Variants in SP3 observed in about 807,000 individuals in gnomAD.
The protein encoded by SP3 is Sp3 transcription factor.
SP3 carries 10 observed loss-of-function variants against 70.3 expected under a neutral mutation model. The observed-to-expected ratio is 0.14, with a 90% CI of 0.09 to 0.24. SP3 has a LOEUF of 0.24. Among genes scored for constraint, SP3 ranks in the 10% least tolerant of loss-of-function variants. The probability of loss-of-function intolerance (pLI) is 1.00; values close to 1 mark genes in which losing one functional copy is unlikely to be tolerated. For missense variants in SP3, 825 were observed against 914.6 expected (o/e 0.90, Z 1.26); for synonymous variants, 402 against 333.5 (o/e 1.21, Z -2.24).
rs1397347350 is a variant in SP3 at position 173,955,004 on chromosome 2, C to T, written c.1508G>A (p.Gly503Asp). ...QTLTLGQVAA[G>D]GAFTSTPVSL... is the part of the protein sequence containing the mutation. ...AACTGGAGTTGAAGTGAAGGCTCCA[C>T]CTGCCGCAACTTGACCAAGTGTGAG... The change falls in exon 4 of 7, where the codon GGT (glycine) becomes GAT (aspartate). Residue 503 changes from glycine (G) to aspartate (D), a missense_variant. Around this residue, in one of 4 missense-constraint regions of SP3, gnomAD observed 678 missense variants for 651.6 expected, o/e 1.04. Transcript: ENST00000310015. 4 of 1,614,188 alleles carry T rather than the reference C, an allele frequency of 2.5e-6. No individual in the cohort carries two copies. The Admixed American group carries it at 6.7e-5, about 27-fold the overall frequency.
In SP3 at chr2:173,910,186, T is replaced by C; in HGVS notation, c.2101A>G (p.Lys701Glu). The change falls in exon 7 of 7, where the codon AAA becomes GAA. Residue 701 changes from lysine (K) to glutamate (E), a missense_variant. Lys to Glu is a moderately conservative substitution (Grantham distance 56, BLOSUM62 1). Transcript: ENST00000310015. ...MRSDHLAKHI[K>E]THQNKKGIHS... ...ATACCTTTTTTATTCTGGTGTGTTT[T>C]AATATGTTTGGCAAGGTGGTCACTT... 1 of 1,614,066 alleles carries C rather than the reference T, an allele frequency of 6.2e-7. No homozygotes were observed. The highest frequency in any genetic ancestry group is 8.5e-7 in the Non-Finnish European group (1 of 1,179,900).
At chr2:173,930,094 T>A (rs1192704177) in intron 4 of SP3, among the ~76,000 whole-genome samples, 4 of 152,206 alleles carry the variant, frequency 2.6e-5, no homozygotes, top group Non-Finnish European at 4.4e-5. Context: ...CTTTAGTCTC[T>A]TTTCCCTAAC....
At chr2:173,914,070 G>T (rs1006813667) in intron 5 of SP3, 1 of 151,890 alleles carries the variant, frequency 6.6e-6, no homozygotes, top group African/African-American at 2.4e-5. Context: ...GTGAACAGAG[G>T]TATCTTAGCC....
chr2:173,928,309 C>T (rs183610220), intron 4 of SP3, among the ~76,000 whole-genome samples: 37 of 152,190 alleles, frequency 2.4e-4, no homozygotes, highest in South Asian at 4.1e-4. Flanking sequence ...GGCCCCAGGC[C>T]CTCATGTAAG....
In SP3 at chr2:173,965,098, G is replaced by C. The variant is rs1460452589; in HGVS notation, c.7+67C>G. The stretch of plus-strand genomic sequence containing the variant: ...CCGAGACCGGCGGCAGCGGCCCCGG[G>C]CTGGCTGTGGTCGGCGGCAGCGGCG... On this transcript the variant is annotated intron_variant, in intron 1 of 6. Coordinates refer to ENST00000310015, the MANE Select transcript of SP3 (RefSeq NM_003111.5). 4.5e-6 allele frequency: 7 copies of C among 1,541,558 alleles called. No homozygotes were observed. The East Asian group carries it at 7.4e-5, about 16-fold the overall frequency.
chr2:173,944,545 C>T (rs995656714), intron 4 of SP3, among the ~76,000 whole-genome samples: 2 of 152,100 alleles, frequency 1.3e-5, no homozygotes, highest in African/African-American at 4.8e-5. Context: ...AAGTTGAATA[C>T]AAAAATTGTC....
At position 173,910,046 on chromosome 2, in the gene SP3, C is replaced by T; in HGVS notation, c.2241G>A (p.Gly747=). ...LANIQQGSVS[G]IGTVNTSATS... ...TGGCGGAAGTATTAACAGTTCCTAT[C>T]CCTGAAACAGAACCTTGTTGAATAT... Residue 747 remains glycine (G), a synonymous_variant, in exon 7 of 7, where the codon GGG becomes GGA. Coordinates refer to ENST00000310015, the MANE Select transcript of SP3 (RefSeq NM_003111.5). The T allele has an allele frequency of 6.2e-7, 1 of 1,613,220 alleles. No homozygotes were observed. The highest frequency in any genetic ancestry group is 8.5e-7 in the Non-Finnish European group (1 of 1,179,624).
At chr2:173,941,255 CATT>C (rs1690365317) in intron 4 of SP3, among the ~76,000 whole-genome samples, 1 of 152,026 alleles carries the variant, frequency 6.6e-6, no homozygotes, top group South Asian at 2.1e-4. Context: ...CACCAACAAT[CATT>C]ATCTTACTAA....
chr2:173,950,421 A>G (rs1046833369), intron 4 of SP3, among the ~76,000 whole-genome samples: 1 of 152,158 alleles, frequency 6.6e-6, no homozygotes, highest in Non-Finnish European at 1.5e-5. Flanking sequence ...GCCCATGCCT[A>G]TAATTCCAAC....
intron 5 of SP3, chr2:173,916,005 T>C (rs184503161): frequency 6.6e-6 from 1 of 152,214 alleles, no homozygotes; most frequent in African/African-American, 2.4e-5. Flanking sequence ...TCTAAAAAAC[T>C]TTTTTAATTA....
Position 173,955,744 on chromosome 2 carries a change from C to T in SP3, c.768G>A (p.Val256=), listed in dbSNP as rs760133401. The T allele has an allele frequency of 1.2e-6, 2 of 1,614,140 alleles. No homozygotes were observed. The highest frequency in any genetic ancestry group is 1.7e-6 in the Non-Finnish European group (2 of 1,180,036). ...FPGQTQVVAN[V]PLGLPGNITF... ...TAATATTTCCTGGCAGACCAAGAGGCACATTAGCAACTACTTGGGTTTGAC... is the reference window on the plus strand; with the variant it reads ...TAATATTTCCTGGCAGACCAAGAGGTACATTAGCAACTACTTGGGTTTGAC... Residue 256 remains valine, a synonymous_variant, in exon 4 of 7, where the codon GTG becomes GTA. Transcript: ENST00000310015.
intron 5 of SP3, 67 bp downstream of exon 5, chr2:173,918,526 C>A (rs905190708): frequency 2.8e-6 from 4 of 1,416,688 alleles, no homozygotes; most frequent in East Asian, 4.6e-5. Flanking sequence ...ACATAGCATG[C>A]AGTATTTCAA....
intron 4 of SP3, among the ~76,000 whole-genome samples, chr2:173,923,758 T>C (rs1559094192): frequency 7.6e-6 from 1 of 131,452 alleles, no homozygotes; most frequent in South Asian, 2.1e-4. Context: ...CTAAATCAAA[T>C]TTGATTTAGA....
chr2:173,951,954 T>A (rs1157101465), intron 4 of SP3, among the ~76,000 whole-genome samples: 4 of 152,194 alleles, frequency 2.6e-5, no homozygotes, highest in Admixed American at 1.3e-4. Flanking sequence ...TCACTATCCA[T>A]CTCATCAGAA....
chr2:173,958,323 T>C (rs1231971864), intron 3 of SP3, among the ~76,000 whole-genome samples: 2 of 151,174 alleles, frequency 1.3e-5, no homozygotes, highest in African/African-American at 4.9e-5. Context: ...CAACCATCAC[T>C]GAACAGCTTT....
chr2:173,909,790 A>G lies in SP3; in HGVS notation c.*151T>C. On this transcript the variant is annotated 3_prime_UTR_variant, in exon 7 of 7. Transcript: ENST00000310015. ...TTTAATATACTATGGAATATCATAC[A>G]AAGTAAGGCATTTCAGTGTCATGTA... The G allele has an allele frequency of 1.7e-6, 1 of 599,122 alleles. No individual in the cohort carries two copies. The highest frequency in any genetic ancestry group is 2.2e-5 in the South Asian group (1 of 45,848). 37.1% of individuals were successfully genotyped at this position (599,122 alleles called of 1,614,324 possible). A position where few individuals can be genotyped will look rare whatever the true frequency, so the allele number is the denominator to read the frequency against.
intron 4 of SP3, among the ~76,000 whole-genome samples, chr2:173,927,104 A>G (rs1217403893): frequency 6.6e-6 from 1 of 151,966 alleles, no homozygotes; most frequent in Non-Finnish European, 1.5e-5. Context: ...ACACTTAACT[A>G]GATCTCACAA....
chr2:173,933,675 A>T (rs912361265), intron 4 of SP3, among the ~76,000 whole-genome samples: 38 of 69,976 alleles, frequency 5.4e-4, no homozygotes, highest in African/African-American at 1.3e-3. Flanking sequence ...TATATATAAA[A>T]GTTATAAAGT....
chr2:173,965,117 A>T (rs576396434), intron 1 of SP3, 48 bp downstream of exon 1: 1 of 1,542,314 alleles, frequency 6.5e-7, no homozygotes, highest in Non-Finnish European at 8.7e-7. Context: ...GGTCGGCGGC[A>T]GCGGCGGCGG....
Sources: allele counts gnomAD v4.1 joint callset (sites outside exome capture counted in the v4.1 genomes callset), GRCh38; gene constraint gnomAD v4.1.1; regional missense constraint gnomAD v4.1.1; transcripts MANE v1.5; gene names NCBI Gene and HGNC (gene_info 2026-07-23, HGNC 2026-07-21).